CEP128: variants seen among roughly 807,000 people sequenced by gnomAD.
The protein encoded by CEP128 is centrosomal protein 128kDa.
CEP128 carries 132 observed loss-of-function variants against 156.7 expected under a neutral mutation model. The observed-to-expected ratio is 0.84, with a 90% CI of 0.73 to 0.97. The LOEUF (loss-of-function observed/expected upper bound fraction) is 0.97, where lower values mean the gene tolerates loss of function less well. CEP128 is among the 50% of genes least tolerant of loss of function. The pLI, the probability that CEP128 is intolerant of heterozygous loss-of-function variation, is 0.00. For missense variants in CEP128, 1,252 were observed against 1,281.9 expected (o/e 0.98, Z 0.36); for synonymous variants, 469 against 448.9 (o/e 1.04, Z -0.57).
At chr14:80,614,155 T>C (rs1595090811) in intron 19 of CEP128, among the ~76,000 whole-genome samples, 2 of 152,018 alleles carry the variant, frequency 1.3e-5, no homozygotes, top group East Asian at 3.9e-4. Flanking sequence ...AGAAAAAAAT[T>C]GAGGTGGTTA....
At chr14:80,789,862 G>GT (rs1353644283) in intron 14 of CEP128, among the ~76,000 whole-genome samples, 17 of 151,292 alleles carry the variant, frequency 1.1e-4, no homozygotes, top group African/African-American at 2.2e-4. Flanking sequence ...CTTGCTCAAT[G>GT]TTTTTTTTGT....
At chr14:80,534,846 A>AT (rs56698828) in intron 21 of CEP128, among the ~76,000 whole-genome samples, 1 of 150,666 alleles carries the variant, frequency 6.6e-6, no homozygotes, top group Non-Finnish European at 1.5e-5. Flanking sequence ...AAAAAAAAAA[A>AT]GGGAGCAAAG....
chr14:80,503,074 G>C (rs2140186393), intron 24 of CEP128, among the ~76,000 whole-genome samples: 1 of 151,690 alleles, frequency 6.6e-6, no homozygotes, highest in South Asian at 2.1e-4. Flanking sequence ...GATAGGTCTG[G>C]GAAGAAAATC....
intron 21 of CEP128, among the ~76,000 whole-genome samples, chr14:80,545,095 T>C (rs1889925695): frequency 6.6e-6 from 1 of 152,208 alleles, no homozygotes; most frequent in South Asian, 2.1e-4. Context: ...CTTCATCCTC[T>C]TAGTCTCAAG....
chr14:80,730,668 T>A (rs924061925), intron 19 of CEP128, among the ~76,000 whole-genome samples: 23 of 152,230 alleles, frequency 1.5e-4, no homozygotes, highest in Non-Finnish European at 3.4e-4. Context: ...GGAATTTATG[T>A]AGATGACTAC....
chr14:80,918,045 TC>T (rs1884659854), intron 2 of CEP128, among the ~76,000 whole-genome samples: 1 of 152,180 alleles, frequency 6.6e-6, no homozygotes. Context: ...ACCTATCTTC[TC>T]TGGTTCTTGC....
chr14:80,942,103 A>G (rs986631844), upstream of CEP128, among the ~76,000 whole-genome samples: 6 of 152,294 alleles, frequency 3.9e-5, no homozygotes, highest in South Asian at 1.2e-3. Context: ...GGAAGTAGAA[A>G]AAGGGCAAGG....
chr14:80,573,218 C>T (rs1270650941), intron 20 of CEP128, among the ~76,000 whole-genome samples: 1 of 152,122 alleles, frequency 6.6e-6, no homozygotes, highest in Admixed American at 6.5e-5. Context: ...AGCCACCTCG[C>T]CCAGCCTTTT....
chr14:80,645,619 A>G (rs544978415), intron 19 of CEP128, among the ~76,000 whole-genome samples: 5 of 152,140 alleles, frequency 3.3e-5, no homozygotes, highest in Non-Finnish European at 7.4e-5. Context: ...GACTGCTGGT[A>G]AAAATACAAG....
At chr14:80,739,774 T>G (rs1292895490) in intron 19 of CEP128, among the ~76,000 whole-genome samples, 1 of 152,272 alleles carries the variant, frequency 6.6e-6, no homozygotes, top group East Asian at 1.9e-4. Flanking sequence ...TCTTAGAGGA[T>G]ACCGTCACGA....
At chr14:80,842,865 C>G (rs1034211591) in intron 9 of CEP128, among the ~76,000 whole-genome samples, 3 of 151,880 alleles carry the variant, frequency 2.0e-5, no homozygotes, top group African/African-American at 4.8e-5. Flanking sequence ...TTTAGATTGT[C>G]TTTTACACGT....
chr14:80,940,601 C>T (rs778156591), intron 1 of CEP128, among the ~76,000 whole-genome samples: 6 of 151,438 alleles, frequency 4.0e-5, no homozygotes, highest in Non-Finnish European at 8.8e-5. Flanking sequence ...ATCGCTTGAA[C>T]CCAAGAGGTG....
chr14:80,764,570 T>C (rs1446646641), intron 16 of CEP128, among the ~76,000 whole-genome samples: 1 of 152,148 alleles, frequency 6.6e-6, no homozygotes, highest in Non-Finnish European at 1.5e-5. Flanking sequence ...TGTGGGACAG[T>C]TGTATGCTAT....
intron 13 of CEP128, among the ~76,000 whole-genome samples, chr14:80,810,606 G>A (rs1479842726): frequency 6.6e-6 from 1 of 151,788 alleles, no homozygotes; most frequent in Admixed American, 6.6e-5. Flanking sequence ...TTCTTTTTAG[G>A]TTATGTCCAT....
At chr14:80,729,058 G>GGGTGTGTGTGTGTGTGTGTGTGTGTGT (rs1898141728) in intron 19 of CEP128, among the ~76,000 whole-genome samples, 1 of 105,024 alleles carries the variant, frequency 9.5e-6, no homozygotes, top group African/African-American at 5.0e-5. Flanking sequence ...GGCTGGTGGG[G>GGGTGTGTGTGTGTGTGTGTGTGTGTGT]GTGTGTGTGT....
At chr14:80,813,275 T>C (rs1310033381) in intron 13 of CEP128, among the ~76,000 whole-genome samples, 7 of 152,214 alleles carry the variant, frequency 4.6e-5, no homozygotes, top group Admixed American at 3.9e-4. Context: ...GTTTTTGTCA[T>C]GAAGTCTTTG....
At chr14:80,922,051 A>C (rs767410238) in intron 2 of CEP128, among the ~76,000 whole-genome samples, 1 of 152,212 alleles carries the variant, frequency 6.6e-6, no homozygotes, top group Non-Finnish European at 1.5e-5. Context: ...ATCAGAAAGA[A>C]AACTATAATG....
chr14:80,807,723 G>C (rs777837775), intron 13 of CEP128, among the ~76,000 whole-genome samples: 1 of 152,142 alleles, frequency 6.6e-6, no homozygotes, highest in African/African-American at 2.4e-5. Context: ...TGCACCAGAC[G>C]GGAACTTGTG....
intron 13 of CEP128, among the ~76,000 whole-genome samples, chr14:80,818,124 A>T (rs1409588421): frequency 6.6e-6 from 1 of 152,072 alleles, no homozygotes; most frequent in Non-Finnish European, 1.5e-5. Context: ...GGCTCAAGTG[A>T]TCCTCTCACC....
Sources: allele counts gnomAD v4.1 joint callset (sites outside exome capture counted in the v4.1 genomes callset), GRCh38; gene constraint gnomAD v4.1.1; transcripts MANE v1.5; gene names NCBI Gene and HGNC (gene_info 2026-07-23, HGNC 2026-07-21).